Variants in CPNE4 observed in about 807,000 individuals in gnomAD.
CPNE4 encodes copine 4, also known as copine-4.
CPNE4 carries 25 observed loss-of-function variants against 67.9 expected under a neutral mutation model. That is an observed-to-expected ratio of 0.37 (90% confidence interval 0.27 to 0.51). The LOEUF (loss-of-function observed/expected upper bound fraction) is 0.51, where lower values mean the gene tolerates loss of function less well. CPNE4 is among the 20% of genes least tolerant of loss of function. The pLI, the probability that CPNE4 is intolerant of heterozygous loss-of-function variation, is 0.93. For missense variants in CPNE4, 464 were observed against 690.8 expected (o/e 0.67, Z 3.68); for synonymous variants, 242 against 244.9 (o/e 0.99, Z 0.11).
At chr3:131,663,311 G>C (rs2080174501) in intron 7 of CPNE4, among the ~76,000 whole-genome samples, 2 of 151,968 alleles carry the variant, frequency 1.3e-5, no homozygotes, top group Non-Finnish European at 2.9e-5. Context: ...GGGCCTGTCA[G>C]GGGGTGGGAG....
At chr3:131,609,326 G>A (rs950379979) in intron 7 of CPNE4, among the ~76,000 whole-genome samples, 1 of 152,134 alleles carries the variant, frequency 6.6e-6, no homozygotes, top group African/African-American at 2.4e-5. Context: ...GCTTTCCAGT[G>A]TAGGGTTATT....
rs891719887 is a variant in CPNE4, at chr3:131,708,993, T to C, written c.361-9013A>G. Among the ~76,000 whole-genome samples the C allele has an allele frequency of 3.4e-4, 36 of 104,910 alleles. 1 individual carries two copies. The highest frequency in any genetic ancestry group is 9.7e-4 in the African/African-American group (26 of 26,714). The allele number at this position is 104,910 out of a possible 152,430, so 68.8% of individuals were successfully genotyped here. A position where few individuals can be genotyped will look rare whatever the true frequency, so the allele number is the denominator to read the frequency against. ...ATATATATATATATATATATATATA[T>C]ATACATACACACATAATAATATAAT... On this transcript the variant is annotated intron_variant, in intron 3 of 15. Transcript: ENST00000429747.
chr3:131,694,614 G>A (rs913733570), intron 5 of CPNE4, among the ~76,000 whole-genome samples: 2 of 152,116 alleles, frequency 1.3e-5, no homozygotes, highest in Non-Finnish European at 2.9e-5. Flanking sequence ...AAAGGCCACC[G>A]AGCATCTCCC....
At chr3:131,576,595 T>C (rs1937553271) in intron 9 of CPNE4, among the ~76,000 whole-genome samples, 1 of 152,154 alleles carries the variant, frequency 6.6e-6, no homozygotes, top group South Asian at 2.1e-4. Flanking sequence ...AAGAAGAGTT[T>C]ATTGCTCACA....
rs575966651 is a variant in CPNE4, at chr3:131,673,146, T to TG, written c.592-3383dup. 5.9e-5 allele frequency among the ~76,000 whole-genome samples: 9 copies of TG among 152,202 alleles called. No homozygotes were observed. The East Asian group carries it at 1.7e-3, about 29-fold the overall frequency. On this transcript the variant is annotated intron_variant, in intron 6 of 15. Coordinates refer to ENST00000429747, the MANE Select transcript of CPNE4 (RefSeq NM_130808.3). Reference sequence around the variant, plus strand: ...GCACCTTTGTCAAAAATGAACTCAATGCATGTGTATGAATTTGTTTCTGGG... The same window carrying TG: ...GCACCTTTGTCAAAAATGAACTCAATGGCATGTGTATGAATTTGTTTCTGGG...
chr3:131,902,232 G>A (rs2107768072), intron 2 of CPNE4, among the ~76,000 whole-genome samples: 1 of 152,042 alleles, frequency 6.6e-6, no homozygotes, highest in Non-Finnish European at 1.5e-5. Flanking sequence ...GACTTTCTAG[G>A]TAAAGGAAGC....
At chr3:131,888,678 T>C (rs370087090) in intron 2 of CPNE4, among the ~76,000 whole-genome samples, 1 of 152,194 alleles carries the variant, frequency 6.6e-6, no homozygotes, top group East Asian at 1.9e-4. Context: ...GTATGGCTTC[T>C]CTGAGATTTC....
intron 7 of CPNE4, among the ~76,000 whole-genome samples, chr3:131,667,370 A>G (rs1382228649): frequency 1.3e-5 from 2 of 152,122 alleles, no homozygotes; most frequent in Non-Finnish European, 2.9e-5. Flanking sequence ...TCTTAACTGG[A>G]AGTGATTTTA....
chr3:131,858,940 G>A (rs1325334770), intron 2 of CPNE4, among the ~76,000 whole-genome samples: 1 of 152,102 alleles, frequency 6.6e-6, no homozygotes, highest in East Asian at 1.9e-4. Context: ...AGTAATGTCT[G>A]GACTCTGCTC....
chr3:131,697,301 G>A (rs922898462), intron 4 of CPNE4, among the ~76,000 whole-genome samples: 23 of 152,124 alleles, frequency 1.5e-4, no homozygotes, highest in African/African-American at 5.6e-4. Flanking sequence ...GAAAAATAAT[G>A]ACAACAAAAG....
chr3:131,721,919 C>T (rs1029840399), intron 3 of CPNE4, among the ~76,000 whole-genome samples: 30 of 152,164 alleles, frequency 2.0e-4, no homozygotes, highest in African/African-American at 6.3e-4. Context: ...TATCTGCCAT[C>T]AACTCTTCAA....
chr3:132,004,242 T>C (rs754561061), intron 1 of CPNE4, among the ~76,000 whole-genome samples: 2 of 152,170 alleles, frequency 1.3e-5, no homozygotes, highest in Non-Finnish European at 2.9e-5. Flanking sequence ...ATCTTCTGAT[T>C]ATAACACACC....
chr3:131,817,580 G>C (rs17361639), intron 2 of CPNE4, among the ~76,000 whole-genome samples: 13,635 of 152,130 alleles, frequency 0.09, 631 homozygotes, highest in African/African-American at 0.11. Flanking sequence ...ATGAAGGAAA[G>C]CCTGAGGGAA....
At chr3:131,677,083 T>C (rs2080595912) in intron 6 of CPNE4, among the ~76,000 whole-genome samples, 1 of 152,056 alleles carries the variant, frequency 6.6e-6, no homozygotes, top group Non-Finnish European at 1.5e-5. Context: ...CTGACTGGTG[T>C]GAGATGGTAT....
chr3:131,734,570 T>C (rs2082195044), intron 2 of CPNE4, among the ~76,000 whole-genome samples: 3 of 152,152 alleles, frequency 2.0e-5, no homozygotes, highest in Admixed American at 6.5e-5. Flanking sequence ...TAGAGGAATA[T>C]GGAGTAGGTC....
chr3:131,735,121 G>T (rs559175355), intron 2 of CPNE4, among the ~76,000 whole-genome samples: 1 of 152,242 alleles, frequency 6.6e-6, no homozygotes, highest in South Asian at 2.1e-4. Context: ...TTTCATTGTG[G>T]TTTTGTTAGT....
intron 7 of CPNE4, among the ~76,000 whole-genome samples, chr3:131,635,350 T>A (rs905104403): frequency 1.3e-5 from 2 of 152,134 alleles, no homozygotes; most frequent in African/African-American, 2.4e-5. Context: ...CTATTCTAGG[T>A]TTATCAATTT....
chr3:131,962,759 C>A (rs1168652086), intron 1 of CPNE4, among the ~76,000 whole-genome samples: 1 of 151,462 alleles, frequency 6.6e-6, no homozygotes, highest in Non-Finnish European at 1.5e-5. Context: ...TGAGTAAATA[C>A]GTTTTCCTGA....
chr3:131,722,356 G>A (rs2081908458), intron 3 of CPNE4, among the ~76,000 whole-genome samples: 1 of 152,144 alleles, frequency 6.6e-6, no homozygotes, highest in African/African-American at 2.4e-5. Flanking sequence ...CCACATGAGA[G>A]AGGGGATCTG....
Sources: allele counts gnomAD v4.1 joint callset (sites outside exome capture counted in the v4.1 genomes callset), GRCh38; gene constraint gnomAD v4.1.1; transcripts MANE v1.5; gene names NCBI Gene and HGNC (gene_info 2026-07-23, HGNC 2026-07-21).